DNAH11: variants seen among roughly 807,000 people sequenced by gnomAD.
The protein encoded by DNAH11 is dynein axonemal heavy chain 11.
A neutral mutation model predicts 526.0 loss-of-function variants in DNAH11; 442 were observed. The ratio of observed to expected loss-of-function variants is 0.84; its 90% CI spans 0.78 to 0.91. The LOEUF (loss-of-function observed/expected upper bound fraction) is 0.91, where lower values mean the gene tolerates loss of function less well. Among genes scored for constraint, DNAH11 ranks in the 40% least tolerant of loss-of-function variants. The pLI is 0.00. For synonymous variants in DNAH11, 2,461 were observed against 1,935.9 expected (o/e 1.27, Z -7.12); for missense variants, 6,989 against 5,448.7 (o/e 1.28, Z -8.90).
At chr7:21,729,672 CA>C (rs1785287080) in intron 45 of DNAH11, among the ~76,000 whole-genome samples, 1 of 150,490 alleles carries the variant, frequency 6.6e-6, no homozygotes, top group South Asian at 2.2e-4. Context: ...CACATTATGA[CA>C]AGAATTGCTT....
intron 66 of DNAH11, among the ~76,000 whole-genome samples, chr7:21,843,857 C>G (rs1276984479): frequency 6.6e-6 from 1 of 152,058 alleles, no homozygotes; most frequent in Non-Finnish European, 1.5e-5. Context: ...TATGTGCTAA[C>G]CTGGGCAAAT....
chr7:21,585,598 A>G (rs6947171), intron 9 of DNAH11, among the ~76,000 whole-genome samples: 9,484 of 152,208 alleles, frequency 0.062, 962 homozygotes, highest in African/African-American at 0.21. Flanking sequence ...ACCAAATACT[A>G]CTGAATGGCT....
Position 21,900,137 on chromosome 7 carries a change from G to C in DNAH11, c.13303+17G>C, listed in dbSNP as rs1205417638. 5 of 1,595,980 alleles carry C rather than the reference G, an allele frequency of 3.1e-6. No homozygotes were observed. Among genetic ancestry groups the C allele is most frequent in the South Asian group, 1.1e-5 (1 of 88,492 alleles). On this transcript the variant is annotated intron_variant, in intron 81 of 81. Transcript: ENST00000409508. ...TCATGGAGGGTAAGACACCCCAAGGGGTAAGTGGGGAACCTTTTCTTACTC... is the reference window on the plus strand; with the variant it reads ...TCATGGAGGGTAAGACACCCCAAGGCGTAAGTGGGGAACCTTTTCTTACTC...
intron 68 of DNAH11, among the ~76,000 whole-genome samples, chr7:21,857,616 GC>G (rs1297324669): frequency 6.6e-6 from 1 of 152,114 alleles, no homozygotes; most frequent in African/African-American, 2.4e-5. Context: ...TGTGGTACTG[GC>G]CTGAAGAAAA....
intron 9 of DNAH11, among the ~76,000 whole-genome samples, chr7:21,584,396 G>C (rs571980964): frequency 3.3e-5 from 5 of 152,234 alleles, no homozygotes; most frequent in South Asian, 2.1e-4. Flanking sequence ...CATGGACACA[G>C]AGAGGGGAAC....
intron 66 of DNAH11, among the ~76,000 whole-genome samples, chr7:21,843,289 G>A (rs1171214263): frequency 6.6e-6 from 1 of 152,034 alleles, no homozygotes; most frequent in Non-Finnish European, 1.5e-5. Context: ...TACTGACATA[G>A]AAAATAGACA....
chr7:21,772,974 C>G (rs1188618485), intron 55 of DNAH11, among the ~76,000 whole-genome samples: 2 of 152,180 alleles, frequency 1.3e-5, no homozygotes, highest in East Asian at 3.8e-4. Context: ...TTATGTGTGA[C>G]TTTCCTAAGA....
chr7:21,644,800 A>G (rs1042676625), intron 28 of DNAH11, among the ~76,000 whole-genome samples: 1 of 152,224 alleles, frequency 6.6e-6, no homozygotes, highest in African/African-American at 2.4e-5. Context: ...TGGATACCTT[A>G]ATATAAAGGC....
Position 21,742,000 on chromosome 7 carries a change from G to T in DNAH11, c.7988G>T (p.Ser2663Ile). 6.2e-7 allele frequency: 1 copy of T among 1,613,898 alleles called. No individual in the cohort carries two copies. The highest frequency in any genetic ancestry group is 8.5e-7 in the Non-Finnish European group (1 of 1,179,862). The change falls in exon 49 of 82, where the codon AGC (serine) becomes ATC (isoleucine). Residue 2663 changes from serine to isoleucine, a missense_variant. Transcript: ENST00000409508. ...AACACCATCTATGGCCAAATCTTTA[G>T]CTTCCATTTCCAACAGCAAGCATTT... ...ALNTIYGQIF[S>I]FHFQQQAFAP...
chr7:21,573,548 A>G (rs918801495), intron 8 of DNAH11, among the ~76,000 whole-genome samples: 8 of 152,306 alleles, frequency 5.3e-5, no homozygotes, highest in Admixed American at 2.0e-4. Flanking sequence ...TTACTTTAAA[A>G]TATTGCATTT....
At chr7:21,885,470 G>C (rs1287913078) in intron 76 of DNAH11, among the ~76,000 whole-genome samples, 1 of 151,918 alleles carries the variant, frequency 6.6e-6, no homozygotes, top group Non-Finnish European at 1.5e-5. Context: ...GGGGAGAATG[G>C]GGAATGAATG....
chr7:21,543,313 C>G lies in DNAH11; in HGVS notation c.68C>G (p.Ser23Trp), dbSNP rs745842220. 3 of 1,549,934 alleles carry G rather than the reference C, an allele frequency of 1.9e-6. No individual in the cohort carries two copies. In the South Asian group the frequency reaches 3.6e-5, roughly 18 times the overall value. ...GAAGCCCCGACCCTTCGCCTAACCTCGGGGGCCGGCCTGGAGGCAGTGGGC... is the reference window on the plus strand; with the variant it reads ...GAAGCCCCGACCCTTCGCCTAACCTGGGGGGCCGGCCTGGAGGCAGTGGGC... ...FREAPTLRLT[S>W]GAGLEAVGAV... is the part of the protein sequence containing the mutation. The change falls in exon 1 of 82, where the codon TCG (serine) becomes TGG (tryptophan). Residue 23 changes from serine to tryptophan, a missense_variant. Ser to Trp is a radical substitution (Grantham distance 177). Coordinates refer to ENST00000409508, the MANE Select transcript of DNAH11 (RefSeq NM_001277115.2).
At chr7:21,607,125 GTC>G (rs1210219060) in intron 20 of DNAH11, among the ~76,000 whole-genome samples, 2 of 152,120 alleles carry the variant, frequency 1.3e-5, no homozygotes, top group Non-Finnish European at 2.9e-5. Flanking sequence ...GCGGCCTTGA[GTC>G]TGTGGCCAAA....
intron 25 of DNAH11, among the ~76,000 whole-genome samples, chr7:21,627,906 G>T (rs548484085): frequency 6.6e-6 from 1 of 152,228 alleles, no homozygotes; most frequent in East Asian, 1.9e-4. Flanking sequence ...ATCCATGAGC[G>T]TGGAATATCT....
intron 9 of DNAH11, among the ~76,000 whole-genome samples, chr7:21,584,825 C>G (rs1334389420): frequency 6.6e-6 from 1 of 152,102 alleles, no homozygotes; most frequent in East Asian, 1.9e-4. Context: ...CTTCACTTAA[C>G]AGAGTCATAA....
chr7:21,773,649 A>G (rs1258044952), intron 55 of DNAH11, 117 bp from the exon 56 acceptor site: 2 of 781,722 alleles, frequency 2.6e-6, no homozygotes, highest in Admixed American at 6.4e-5. Flanking sequence ...TTCGTAGGTT[A>G]TACTATCATT....
intron 56 of DNAH11, among the ~76,000 whole-genome samples, chr7:21,775,393 G>A (rs1739178697): frequency 6.6e-6 from 1 of 152,094 alleles, no homozygotes; most frequent in East Asian, 1.9e-4. Flanking sequence ...GAAGGGGGAG[G>A]ATTGCTTGAG....
chr7:21,599,539 A>G (rs575870911), intron 14 of DNAH11, among the ~76,000 whole-genome samples: 3 of 152,354 alleles, frequency 2.0e-5, no homozygotes, highest in African/African-American at 7.2e-5. Context: ...GTATCTGAAG[A>G]TAGCAATCTT....
chr7:21,576,663 G>A (rs1282984697), intron 8 of DNAH11, among the ~76,000 whole-genome samples: 1 of 152,172 alleles, frequency 6.6e-6, no homozygotes. Context: ...CCTAATATCA[G>A]TGTCAATGCT....
Sources: gnomAD v4.1 joint callset for allele counts (sites outside exome capture counted in the v4.1 genomes callset) on GRCh38, gnomAD v4.1.1 for gene constraint, MANE v1.5 for transcripts, NCBI Gene and HGNC (gene_info 2026-07-23, HGNC 2026-07-21) for gene names.